Variants in GRM1 observed in about 807,000 individuals in gnomAD.
GRM1 encodes the protein glutamate metabotropic receptor 1.
A neutral mutation model predicts 90.9 loss-of-function variants in GRM1; 33 were observed. The ratio of observed to expected loss-of-function variants is 0.36; its 90% CI spans 0.28 to 0.49. The LOEUF is 0.49. GRM1 is among the 20% of genes least tolerant of loss of function. The pLI is 0.99. For synonymous variants in GRM1, 700 were observed against 613.2 expected, an observed-to-expected ratio of 1.14 and a Z score of -2.09; for missense variants, 1,190 against 1,534.3, an observed-to-expected ratio of 0.78 and a Z score of 3.75.
chr6:146,043,922 G>C (rs891337075), intron 1 of GRM1, among the ~76,000 whole-genome samples: 1 of 151,184 alleles, frequency 6.6e-6, no homozygotes, highest in Non-Finnish European at 1.5e-5. Flanking sequence ...GAAACTGGAG[G>C]TATCTTACAC....
chr6:146,424,444 C>T (rs1011137980), intron 7 of GRM1, among the ~76,000 whole-genome samples: 9 of 152,226 alleles, frequency 5.9e-5, no homozygotes, highest in African/African-American at 2.2e-4. Context: ...AATCCCAAAG[C>T]CTGTCCAGAA....
intron 2 of GRM1, among the ~76,000 whole-genome samples, chr6:146,173,022 A>C (rs576377299): frequency 1.5e-3 from 229 of 152,136 alleles, no homozygotes; most frequent in Non-Finnish European, 2.9e-3. Flanking sequence ...GCTGGGTAAA[A>C]GTCTGGATGG....
chr6:146,291,252 A>G (rs894250703), intron 2 of GRM1, among the ~76,000 whole-genome samples: 2 of 151,990 alleles, frequency 1.3e-5, no homozygotes, highest in Non-Finnish European at 2.9e-5. Flanking sequence ...TGTATGCAAC[A>G]TAGTTTTGGT....
chr6:146,274,420 A>T (rs1011087867), intron 2 of GRM1, among the ~76,000 whole-genome samples: 10 of 152,366 alleles, frequency 6.6e-5, no homozygotes, highest in Admixed American at 3.9e-4. Context: ...AATCAGTAAA[A>T]TAATTTGTGG....
chr6:146,125,257 C>T (rs1206411267), intron 1 of GRM1, among the ~76,000 whole-genome samples: 2 of 152,110 alleles, frequency 1.3e-5, no homozygotes, highest in Non-Finnish European at 2.9e-5. Context: ...ATTGATATTT[C>T]AACTGTAACA....
chr6:146,253,995 C>G (rs1013919072), intron 2 of GRM1, among the ~76,000 whole-genome samples: 1 of 151,570 alleles, frequency 6.6e-6, no homozygotes, highest in Admixed American at 6.6e-5. Flanking sequence ...AACCCTACAT[C>G]CCAGGATAGT....
At chr6:146,105,792 A>G (rs1450765182) in intron 1 of GRM1, among the ~76,000 whole-genome samples, 1 of 152,234 alleles carries the variant, frequency 6.6e-6, no homozygotes, top group Non-Finnish European at 1.5e-5. Flanking sequence ...CAAGAAATTA[A>G]GAATAACAGG....
intron 3 of GRM1, among the ~76,000 whole-genome samples, chr6:146,347,161 CT>C (rs2115029814): frequency 6.6e-6 from 1 of 152,330 alleles, no homozygotes; most frequent in East Asian, 1.9e-4. Context: ...CACAATATTA[CT>C]AACAACTCAG....
chr6:146,220,313 G>A (rs1199423828), intron 2 of GRM1, among the ~76,000 whole-genome samples: 2 of 152,092 alleles, frequency 1.3e-5, no homozygotes, highest in Non-Finnish European at 2.9e-5. Context: ...CAGGTCCAAT[G>A]CCAAAAGTCA....
At chr6:146,406,545 T>G (rs368070352) in intron 7 of GRM1, among the ~76,000 whole-genome samples, 1 of 152,150 alleles carries the variant, frequency 6.6e-6, no homozygotes, top group African/African-American at 2.4e-5. Flanking sequence ...GAAAGAAGGG[T>G]AGGCTGGGCA....
chr6:146,114,531 G>T (rs1441401840), intron 1 of GRM1, among the ~76,000 whole-genome samples: 1 of 152,058 alleles, frequency 6.6e-6, no homozygotes, highest in African/African-American at 2.4e-5. Context: ...GTTGTAGAAT[G>T]ATTATGAAAA....
intron 2 of GRM1, among the ~76,000 whole-genome samples, chr6:146,295,691 A>G (rs1783152352): frequency 6.6e-6 from 1 of 152,114 alleles, no homozygotes; most frequent in African/African-American, 2.4e-5. Flanking sequence ...CTGTGTATGT[A>G]TATGTATATT....
chr6:146,375,591 A>G (rs1259983175), intron 5 of GRM1, among the ~76,000 whole-genome samples: 1 of 152,016 alleles, frequency 6.6e-6, no homozygotes, highest in Admixed American at 6.6e-5. Flanking sequence ...TTTGGTTCAT[A>G]TATGTATAAA....
chr6:146,029,434 C>T lies in GRM1; in HGVS notation c.-84C>T. 9.4e-7 allele frequency: 1 copy of T among 1,065,474 alleles called. No homozygotes were observed. Among genetic ancestry groups the T allele is most frequent in the East Asian group, 2.4e-5 (1 of 42,354 alleles). The allele number at this position is 1,065,474 out of a possible 1,614,324, so 66.0% of individuals were successfully genotyped here. ...CCACTCCGGGAGAGGCGGCGCTGGG[C>T]GTCTTGGGGGTGCGCGCCGGGAGCC... On this transcript the variant is annotated 5_prime_UTR_variant, in exon 1 of 8. Transcript: ENST00000282753.
chr6:146,256,499 T>C (rs1276437685), intron 2 of GRM1, among the ~76,000 whole-genome samples: 1 of 152,072 alleles, frequency 6.6e-6, no homozygotes, highest in Non-Finnish European at 1.5e-5. Context: ...TCCACTCTCC[T>C]CCTTTATGCC....
chr6:146,380,272 T>C (rs1776271090), intron 5 of GRM1, among the ~76,000 whole-genome samples: 1 of 152,064 alleles, frequency 6.6e-6, no homozygotes, highest in Non-Finnish European at 1.5e-5. Flanking sequence ...AACTTAGAAG[T>C]CTGCCTGGTG....
intron 3 of GRM1, among the ~76,000 whole-genome samples, chr6:146,338,837 C>G (rs1339050341): frequency 2.0e-5 from 3 of 152,132 alleles, no homozygotes; most frequent in Non-Finnish European, 4.4e-5. Flanking sequence ...TCTCTGTTTG[C>G]ACCACTATCA....
rs191201168 is a variant in GRM1, at chr6:146,240,550, C to T, written c.951-64061C>T. Among the ~76,000 whole-genome samples, 4 of 152,190 alleles carry T rather than the reference C, an allele frequency of 2.6e-5. No homozygotes were observed. The East Asian group carries it at 7.7e-4, about 29-fold the overall frequency. On this transcript the variant is annotated intron_variant, in intron 2 of 7. Transcript: ENST00000282753. ...AGGAAGGGAGCCAGGAAAAGAATCTCCCTCTCCTCCTACTCTCTGATTTTC... is the reference window on the plus strand; with the variant it reads ...AGGAAGGGAGCCAGGAAAAGAATCTTCCTCTCCTCCTACTCTCTGATTTTC...
chr6:146,304,207 C>A (rs981756964), intron 2 of GRM1, among the ~76,000 whole-genome samples: 2 of 151,890 alleles, frequency 1.3e-5, no homozygotes, highest in Admixed American at 1.3e-4. Context: ...ATGCTGAAAC[C>A]TTGTTGAGCT....
Sources: gnomAD v4.1 joint callset for allele counts (sites outside exome capture counted in the v4.1 genomes callset) on GRCh38, gnomAD v4.1.1 for gene constraint, MANE v1.5 for transcripts, NCBI Gene and HGNC (gene_info 2026-07-23, HGNC 2026-07-21) for gene names.